The following ATP9B variants were observed in gnomAD, a reference collection of about 807,000 sequenced individuals.
ATP9B encodes the protein ATPase phospholipid transporting 9B, also known as probable phospholipid-transporting ATPase IIB.
ATP9B carries 110 observed loss-of-function variants against 146.1 expected under a neutral mutation model. The ratio of observed to expected loss-of-function variants is 0.75; its 90% confidence interval spans 0.65 to 0.88. The LOEUF (loss-of-function observed/expected upper bound fraction) is 0.88. Among genes scored for constraint, ATP9B ranks in the 40% least tolerant of loss-of-function variants. The pLI, the probability that ATP9B is intolerant of heterozygous loss-of-function variation, is 0.00. For synonymous variants in ATP9B, 604 were observed against 569.7 expected (o/e 1.06, Z -0.86); for missense variants, 1,499 against 1,496.4 (o/e 1.00, Z -0.03).
chr18:79,310,907 T>C (rs1370320090), intron 15 of ATP9B, among the ~76,000 whole-genome samples: 1 of 148,236 alleles, frequency 6.7e-6, no homozygotes, highest in Non-Finnish European at 1.5e-5. Flanking sequence ...TCCCAGCACT[T>C]TGGGAGGCTA....
At chr18:79,243,079 CTCTT>C (rs1264708906) in intron 11 of ATP9B, among the ~76,000 whole-genome samples, 2 of 152,162 alleles carry the variant, frequency 1.3e-5, no homozygotes, top group Non-Finnish European at 2.9e-5. Context: ...ATTCTTCTTT[CTCTT>C]TCTTTGCTAT....
intron 19 of ATP9B, among the ~76,000 whole-genome samples, chr18:79,340,106 G>A (rs1465262777): frequency 6.6e-6 from 1 of 152,154 alleles, no homozygotes; most frequent in Admixed American, 6.5e-5. Flanking sequence ...ACATGAATGA[G>A]CGAGCATATG....
chr18:79,308,922 G>A (rs2096635567), intron 15 of ATP9B, among the ~76,000 whole-genome samples: 1 of 99,602 alleles, frequency 1.0e-5, no homozygotes, highest in Non-Finnish European at 2.0e-5. Context: ...TAGAAGGTCA[G>A]GGGTGGAGGA....
chr18:79,259,634 G>T (rs969567592), intron 12 of ATP9B, among the ~76,000 whole-genome samples: 1 of 152,172 alleles, frequency 6.6e-6, no homozygotes, highest in Non-Finnish European at 1.5e-5. Flanking sequence ...GCGTGGGGAT[G>T]CTTGCCTGTG....
intron 11 of ATP9B, among the ~76,000 whole-genome samples, chr18:79,249,554 C>T (rs114193589): frequency 0.015 from 2,352 of 152,218 alleles, 67 homozygotes; most frequent in African/African-American, 0.054. Context: ...GAAAAGTTTA[C>T]AGTCATGGCA....
intron 10 of ATP9B, 131 bp from the exon 11 acceptor site, chr18:79,213,831 A>G: frequency 2.9e-6 from 2 of 689,268 alleles, no homozygotes; most frequent in Non-Finnish European, 4.6e-6. Context: ...CAAATTAAAT[A>G]CACTGTTGGA....
intron 18 of ATP9B, among the ~76,000 whole-genome samples, chr18:79,337,042 A>G (rs931362385): frequency 1.3e-5 from 2 of 151,922 alleles, no homozygotes; most frequent in Non-Finnish European, 2.9e-5. Context: ...CCCAGAGCCC[A>G]TGCTGTCCAG....
chr18:79,337,568 AG>A, intron 19 of ATP9B, 119 bp downstream of exon 19: 1 of 1,343,662 alleles, frequency 7.4e-7, no homozygotes, highest in Non-Finnish European at 9.9e-7. Context: ...GAGCTCTGTA[AG>A]CAGAGCTGCC....
intron 15 of ATP9B, among the ~76,000 whole-genome samples, chr18:79,309,502 TGGAGGAGTGA>T (rs2096639938): frequency 9.8e-6 from 1 of 101,814 alleles, no homozygotes; most frequent in African/African-American, 3.8e-5. Context: ...AGGTCAGGGG[TGGAGGAGTGA>T]TCTCCAGCAG....
chr18:79,174,646 TTGTG>T (rs1323273791), intron 7 of ATP9B, among the ~76,000 whole-genome samples: 1 of 152,224 alleles, frequency 6.6e-6, no homozygotes, highest in South Asian at 2.1e-4. Flanking sequence ...ATATTCTAGA[TTGTG>T]TGAGTGCATA....
intron 5 of ATP9B, among the ~76,000 whole-genome samples, chr18:79,129,036 AC>A (rs1189848436): frequency 1.3e-5 from 2 of 152,058 alleles, no homozygotes; most frequent in Admixed American, 1.3e-4. Context: ...TCTGCCTCTA[AC>A]CAGTCGGGGG....
At chr18:79,323,032 A>C (rs148492028) in intron 15 of ATP9B, among the ~76,000 whole-genome samples, 1 of 152,250 alleles carries the variant, frequency 6.6e-6, no homozygotes, top group Non-Finnish European at 1.5e-5. Context: ...ACAAGCATAC[A>C]ATATGCAGTG....
chr18:79,090,361 A>G (rs562382731), intron 1 of ATP9B, among the ~76,000 whole-genome samples: 2 of 152,338 alleles, frequency 1.3e-5, no homozygotes, highest in Non-Finnish European at 2.9e-5. Context: ...TGTTCTCCAC[A>G]GTGATTGTAC....
At chr18:79,151,591 C>T (rs530316819) in intron 6 of ATP9B, among the ~76,000 whole-genome samples, 3 of 152,278 alleles carry the variant, frequency 2.0e-5, no homozygotes, top group East Asian at 1.9e-4. Flanking sequence ...TATGCAGTTC[C>T]GCTATGGTAG....
At chr18:79,103,152 G>T (rs575423881) in intron 2 of ATP9B, among the ~76,000 whole-genome samples, 1 of 152,260 alleles carries the variant, frequency 6.6e-6, no homozygotes, top group South Asian at 2.1e-4. Flanking sequence ...AGCGAGAAGG[G>T]TCACCGTCAC....
chr18:79,153,508 G>A (rs2094723115), intron 6 of ATP9B, among the ~76,000 whole-genome samples: 1 of 152,138 alleles, frequency 6.6e-6, no homozygotes, highest in Non-Finnish European at 1.5e-5. Context: ...GGCATTGCAG[G>A]ACCACAGTCC....
chr18:79,117,028 T>C (rs2094096858), intron 4 of ATP9B, among the ~76,000 whole-genome samples: 1 of 146,336 alleles, frequency 6.8e-6, no homozygotes, highest in Non-Finnish European at 1.5e-5. Flanking sequence ...TGTCTAACAA[T>C]AGATTATTCA....
chr18:79,329,428 T>G, intron 16 of ATP9B, 126 bp downstream of exon 16: 1 of 1,155,488 alleles, frequency 8.7e-7, no homozygotes, highest in Non-Finnish European at 1.2e-6. Context: ...ACAGTTTTGT[T>G]TGTTTTTTTT....
At chr18:79,349,005 CAGT>C (rs2096907782) in intron 25 of ATP9B, among the ~76,000 whole-genome samples, 2 of 152,302 alleles carry the variant, frequency 1.3e-5, no homozygotes, top group South Asian at 4.1e-4. Flanking sequence ...ATAACAGCAG[CAGT>C]GTCTTAGAAA....
Sources: allele counts gnomAD v4.1 joint callset (sites outside exome capture counted in the v4.1 genomes callset), GRCh38; gene constraint gnomAD v4.1.1; transcripts MANE v1.5; gene names NCBI Gene and HGNC (gene_info 2026-07-23, HGNC 2026-07-21).